HIVEP3: variants seen among roughly 807,000 people sequenced by gnomAD.
The protein encoded by HIVEP3 is transcription factor HIVEP3.
In HIVEP3, 49 loss-of-function variants were observed where a neutral mutation model predicts 152.8. The ratio of observed to expected loss-of-function variants is 0.32; its 90% CI spans 0.26 to 0.41. The LOEUF (loss-of-function observed/expected upper bound fraction) is 0.41, where lower values mean the gene tolerates loss of function less well. Among genes scored for constraint, HIVEP3 ranks in the 10% least tolerant of loss-of-function variants. HIVEP3 has a pLI of 1.00. For missense variants in HIVEP3, 2,790 were observed against 3,103.3 expected (o/e 0.90, Z 2.40); for synonymous variants, 1,269 against 1,289.0 (o/e 0.98, Z 0.33).
intron 3 of HIVEP3, among the ~76,000 whole-genome samples, chr1:41,622,773 C>A (rs564144799): frequency 2.6e-5 from 4 of 152,280 alleles, no homozygotes; most frequent in African/African-American, 7.2e-5. Flanking sequence ...CTGGAGCAGG[C>A]AAGCCAGGGG....
At chr1:41,890,546 G>A (rs1336464586) in intron 1 of HIVEP3, among the ~76,000 whole-genome samples, 2 of 152,242 alleles carry the variant, frequency 1.3e-5, no homozygotes, top group Non-Finnish European at 2.9e-5. Context: ...AGGTTTGGGA[G>A]ATGAATGATC....
chr1:41,780,664 C>T (rs141460050), intron 1 of HIVEP3, among the ~76,000 whole-genome samples: 3 of 152,164 alleles, frequency 2.0e-5, no homozygotes, highest in South Asian at 2.1e-4. Context: ...AATGCAGGAC[C>T]GAACTGGAGG....
chr1:42,002,856 G>A (rs934919100), intron 1 of HIVEP3, among the ~76,000 whole-genome samples: 1 of 152,146 alleles, frequency 6.6e-6, no homozygotes. Flanking sequence ...TCCACTGGGG[G>A]AAAGGTCCTG....
At chr1:41,532,307 GGGAGGACAGAAGAGAT>G (rs1453263074) in intron 5 of HIVEP3, among the ~76,000 whole-genome samples, 1 of 150,138 alleles carries the variant, frequency 6.7e-6, no homozygotes, top group Non-Finnish European at 1.5e-5. Flanking sequence ...CAGGAGAGAA[GGGAGGACAGAAGAGAT>G]GGAGGACAGG....
Position 41,966,030 on chromosome 1 carries a change from C to T in HIVEP3, n.120-47506G>A, listed in dbSNP as rs138359620. Among the ~76,000 whole-genome samples the T allele has an allele frequency of 6.0e-3, 915 of 152,330 alleles. 9 individuals are homozygous for T. Among genetic ancestry groups the T allele is most frequent in the African/African-American group, 0.021 (866 of 41,576 alleles). ...AGCCCATCAGACTAACAGTGGACCT[C>T]TCAGCAGAAACCCTACATGCCAGAA... On this transcript the variant is annotated intron_variant and non_coding_transcript_variant, in intron 1 of 3. Transcript: ENST00000489103.
At chr1:41,991,932 T>C (rs1645364465) in intron 1 of HIVEP3, among the ~76,000 whole-genome samples, 1 of 139,706 alleles carries the variant, frequency 7.2e-6, no homozygotes, top group Non-Finnish European at 1.5e-5. Flanking sequence ...GAAAAAGCCT[T>C]TGACAAAATT....
At chr1:41,912,028 G>T (rs1315519619) in intron 1 of HIVEP3, among the ~76,000 whole-genome samples, 2 of 152,160 alleles carry the variant, frequency 1.3e-5, no homozygotes, top group African/African-American at 4.8e-5. Flanking sequence ...AAGAACAAAA[G>T]AATAAAACAG....
intron 1 of HIVEP3, among the ~76,000 whole-genome samples, chr1:41,790,009 C>T (rs1649595794): frequency 6.6e-6 from 1 of 152,220 alleles, no homozygotes; most frequent in South Asian, 2.1e-4. Flanking sequence ...GTAAAAGCAA[C>T]TCCTTTACAA....
intron 2 of HIVEP3, among the ~76,000 whole-genome samples, chr1:41,638,000 T>TC (rs1461726473): frequency 1.3e-5 from 2 of 152,134 alleles, no homozygotes; most frequent in South Asian, 2.1e-4. Context: ...GGAATCTAAA[T>TC]AATGTGTACA....
intron 1 of HIVEP3, among the ~76,000 whole-genome samples, chr1:41,853,011 A>T (rs1271479677): frequency 6.6e-6 from 1 of 152,198 alleles, no homozygotes; most frequent in African/African-American, 2.4e-5. Flanking sequence ...CCCCACCACG[A>T]ATGGCTGTGT....
chr1:41,750,871 C>T (rs895665334), intron 1 of HIVEP3, among the ~76,000 whole-genome samples: 6 of 152,082 alleles, frequency 3.9e-5, no homozygotes, highest in South Asian at 2.1e-4. Context: ...TGCACCACCA[C>T]GCCTGGCTAA....
intron 1 of HIVEP3, among the ~76,000 whole-genome samples, chr1:41,985,928 T>C (rs1645320015): frequency 6.6e-6 from 1 of 152,160 alleles, no homozygotes; most frequent in South Asian, 2.1e-4. Flanking sequence ...TCTGTGAATA[T>C]GAAAGTCAGT....
intron 1 of HIVEP3, among the ~76,000 whole-genome samples, chr1:41,709,665 G>A (rs1646484659): frequency 6.6e-6 from 1 of 152,176 alleles, no homozygotes; most frequent in South Asian, 2.1e-4. Flanking sequence ...GAGTTCATGT[G>A]GGGCTCTGGC....
intron 1 of HIVEP3, among the ~76,000 whole-genome samples, chr1:41,941,036 A>C (rs1290629116): frequency 6.6e-6 from 1 of 152,216 alleles, no homozygotes; most frequent in East Asian, 1.9e-4. Context: ...TTTTGCTGAA[A>C]GTATCTATTG....
At chr1:41,952,165 A>G (rs1238632542) in intron 1 of HIVEP3, among the ~76,000 whole-genome samples, 1 of 152,162 alleles carries the variant, frequency 6.6e-6, no homozygotes, top group African/African-American at 2.4e-5. Context: ...TGGATTTTGC[A>G]ACAGAGAGTT....
At chr1:41,702,740 G>A (rs957327286) in intron 1 of HIVEP3, among the ~76,000 whole-genome samples, 50 of 152,292 alleles carry the variant, frequency 3.3e-4, no homozygotes, top group African/African-American at 1.0e-3. Flanking sequence ...GCACAAGGCC[G>A]GTCTCCCAGC....
At chr1:41,712,797 G>C (rs962560327) in intron 1 of HIVEP3, among the ~76,000 whole-genome samples, 7 of 152,282 alleles carry the variant, frequency 4.6e-5, no homozygotes, top group African/African-American at 1.7e-4. Context: ...TCCCTGGGGA[G>C]AAGCAACAAA....
At position 41,955,638 on chromosome 1, in the gene HIVEP3, A is replaced by T. The variant is rs184474865; in HGVS notation, n.120-37114T>A. Among the ~76,000 whole-genome samples, 197 of 152,338 alleles carry T rather than the reference A, an allele frequency of 1.3e-3. 3 individuals carry two copies. The highest frequency in any genetic ancestry group is 3.4e-3 in the Middle Eastern group (1 of 294). ...TCCAGCTACTCAGCTACACTTAACC[A>T]CAGTAATCCACCCCTAAGTTTCTCC... On this transcript the variant is annotated intron_variant and non_coding_transcript_variant, in intron 1 of 3. Transcript: ENST00000489103.
At chr1:41,862,923 C>A (rs977203083) in intron 1 of HIVEP3, among the ~76,000 whole-genome samples, 38 of 152,204 alleles carry the variant, frequency 2.5e-4, no homozygotes, top group African/African-American at 8.4e-4. Flanking sequence ...AGTGCAGTGG[C>A]TCACAGCTGC....
Sources: gnomAD v4.1 joint callset for allele counts (sites outside exome capture counted in the v4.1 genomes callset) on GRCh38, gnomAD v4.1.1 for gene constraint, MANE v1.5 for transcripts, NCBI Gene and HGNC (gene_info 2026-07-23, HGNC 2026-07-21) for gene names.